Variants in DAB1 observed in about 807,000 individuals in gnomAD.
DAB1 encodes disabled homolog 1.
DAB1 carries 15 observed loss-of-function variants against 64.6 expected under a neutral mutation model. The ratio of observed to expected loss-of-function variants is 0.23; its 90% CI spans 0.16 to 0.36. The LOEUF (loss-of-function observed/expected upper bound fraction) is 0.36. DAB1 is among the 10% of genes least tolerant of loss of function. DAB1 has a pLI of 1.00. For missense variants in DAB1, 596 were observed against 706.7 expected (o/e 0.84, Z 1.78); for synonymous variants, 235 against 251.9 (o/e 0.93, Z 0.64).
chr1:57,137,246 T>A (rs1359413633), intron 3 of DAB1, among the ~76,000 whole-genome samples: 1 of 152,170 alleles, frequency 6.6e-6, no homozygotes, highest in African/African-American at 2.4e-5. Context: ...ATTCCATTTA[T>A]CAAAAAAACT....
At chr1:58,290,807 G>T (rs1661805803) in intron 4 of DAB1, among the ~76,000 whole-genome samples, 1 of 152,134 alleles carries the variant, frequency 6.6e-6, no homozygotes, top group African/African-American at 2.4e-5. Context: ...TGCAAGTTAG[G>T]ATCCTCCAGG....
At chr1:58,488,780 TCTCA>T (rs1285884578) in intron 3 of DAB1, among the ~76,000 whole-genome samples, 7 of 152,300 alleles carry the variant, frequency 4.6e-5, no homozygotes, top group South Asian at 4.1e-4. Context: ...CTCACCCACT[TCTCA>T]CTGTTTCCCC....
chr1:57,868,720 C>G (rs1392898395), intron 1 of DAB1, among the ~76,000 whole-genome samples: 3 of 152,126 alleles, frequency 2.0e-5, no homozygotes, highest in Non-Finnish European at 4.4e-5. Flanking sequence ...CAGAGGCTAT[C>G]ACGGTGCCTG....
intron 5 of DAB1, among the ~76,000 whole-genome samples, chr1:58,033,219 A>C (rs1174939646): frequency 1.3e-5 from 2 of 152,128 alleles, no homozygotes; most frequent in African/African-American, 4.8e-5. Context: ...TTATTCCCTC[A>C]AGTCCTTCCT....
chr1:58,076,223 A>G (rs1649631232), intron 5 of DAB1, among the ~76,000 whole-genome samples: 1 of 152,158 alleles, frequency 6.6e-6, no homozygotes, highest in African/African-American at 2.4e-5. Context: ...GAACAACTAT[A>G]TATGTATACT....
chr1:57,470,316 T>A (rs572889382), intron 7 of DAB1, among the ~76,000 whole-genome samples: 1 of 152,348 alleles, frequency 6.6e-6, no homozygotes, highest in Non-Finnish European at 1.5e-5. Context: ...CAACTGCAGC[T>A]TTTCACCTCC....
chr1:57,612,479 G>A (rs540114800), intron 7 of DAB1, among the ~76,000 whole-genome samples: 1 of 152,244 alleles, frequency 6.6e-6, no homozygotes, highest in East Asian at 1.9e-4. Flanking sequence ...GAGTCAGAGA[G>A]AGAAGATGTA....
chr1:57,993,906 G>A (rs1318042198), intron 5 of DAB1, among the ~76,000 whole-genome samples: 1 of 152,154 alleles, frequency 6.6e-6, no homozygotes, highest in African/African-American at 2.4e-5. Flanking sequence ...TATCTCTGGA[G>A]GTCCTACAAT....
chr1:57,796,535 CAAT>C, intron 6 of DAB1, among the ~76,000 whole-genome samples: 1 of 143,476 alleles, frequency 7.0e-6, no homozygotes, highest in South Asian at 2.1e-4. Context: ...TCAATAATAA[CAAT>C]GATAATAATA....
intron 3 of DAB1, among the ~76,000 whole-genome samples, chr1:58,394,844 G>A (rs570065472): frequency 3.3e-5 from 5 of 152,142 alleles, no homozygotes; most frequent in African/African-American, 9.6e-5. Flanking sequence ...ACTACTGTAC[G>A]TATTTGTCAA....
chr1:57,723,948 A>G (rs1241372196), intron 6 of DAB1, among the ~76,000 whole-genome samples: 1 of 152,176 alleles, frequency 6.6e-6, no homozygotes, highest in Admixed American at 6.6e-5. Context: ...ACTATTTTCA[A>G]TTCCAATTTT....
intron 5 of DAB1, chr1:58,048,513 A>T (rs1269350302): frequency 1.4e-5 from 19 of 1,323,356 alleles, no homozygotes; most frequent in Non-Finnish European, 1.7e-5. Context: ...CTTCCTCCAG[A>T]GTAACCAGGG....
chr1:57,529,383 T>G (rs1644634692), intron 7 of DAB1, among the ~76,000 whole-genome samples: 1 of 152,094 alleles, frequency 6.6e-6, no homozygotes, highest in Admixed American at 6.5e-5. Context: ...CAACTCTATC[T>G]TAATTACATT....
At chr1:58,096,969 T>C (rs1027721215) in intron 5 of DAB1, among the ~76,000 whole-genome samples, 1 of 152,214 alleles carries the variant, frequency 6.6e-6, no homozygotes, top group Non-Finnish European at 1.5e-5. Context: ...TCCCCTGTCA[T>C]GTGAATCTGC....
chr1:58,489,698 G>A (rs1173960447), intron 3 of DAB1, among the ~76,000 whole-genome samples: 1 of 152,148 alleles, frequency 6.6e-6, no homozygotes, highest in African/African-American at 2.4e-5. Context: ...CCCCCAGTAG[G>A]GGCAGACTGA....
intron 6 of DAB1, among the ~76,000 whole-genome samples, chr1:57,663,164 C>A (rs1277902543): frequency 2.6e-5 from 4 of 152,108 alleles, no homozygotes; most frequent in African/African-American, 4.8e-5. Context: ...AGCAGCCATT[C>A]TTATATGGCC....
At chr1:57,788,938 G>A (rs1185163285) in intron 6 of DAB1, among the ~76,000 whole-genome samples, 1 of 152,096 alleles carries the variant, frequency 6.6e-6, no homozygotes, top group African/African-American at 2.4e-5. Context: ...TTTCAAAGCA[G>A]CAAAACTGAC....
intron 4 of DAB1, among the ~76,000 whole-genome samples, chr1:58,288,521 C>A (rs1661743749): frequency 6.6e-6 from 1 of 152,182 alleles, no homozygotes. Flanking sequence ...TCAAAATACT[C>A]TTGTGCAGAT....
chr1:57,952,393 T>G (rs1328476034), intron 5 of DAB1, among the ~76,000 whole-genome samples: 1 of 152,080 alleles, frequency 6.6e-6, no homozygotes, highest in Non-Finnish European at 1.5e-5. Context: ...GCCCAACAGC[T>G]CCACTCCTCC....
Sources: allele counts gnomAD v4.1 joint callset (sites outside exome capture counted in the v4.1 genomes callset), GRCh38; gene constraint gnomAD v4.1.1; transcripts MANE v1.5; gene names NCBI Gene and HGNC (gene_info 2026-07-23, HGNC 2026-07-21).